Variants in LTN1 observed in about 807,000 individuals in gnomAD.
The protein encoded by LTN1 is listerin E3 ubiquitin protein ligase 1, also known as E3 ubiquitin-protein ligase listerin.
LTN1 carries 88 observed loss-of-function variants against 201.2 expected under a neutral mutation model. The ratio of observed to expected loss-of-function variants is 0.44; its 90% CI spans 0.37 to 0.52. The LOEUF (loss-of-function observed/expected upper bound fraction) is 0.52, where lower values mean the gene tolerates loss of function less well. Ranked by LOEUF, LTN1 falls within the 20% of genes least tolerant of loss-of-function variation. The pLI is 0.00. For missense variants in LTN1, 1,752 were observed against 2,038.7 expected, an observed-to-expected ratio of 0.86 and a Z score of 2.71; for synonymous variants, 645 against 713.5, an observed-to-expected ratio of 0.90 and a Z score of 1.53.
At chr21:28,934,612 G>A (rs533395157) in intron 27 of LTN1, among the ~76,000 whole-genome samples, 9 of 152,166 alleles carry the variant, frequency 5.9e-5, no homozygotes, top group East Asian at 1.9e-4. Context: ...CCGCCACCAC[G>A]CATGGCTAAT....
Position 28,970,673 on chromosome 21 carries a change from C to G in LTN1, c.1054G>C (p.Gly352Arg). 1 of 1,613,996 alleles carries G rather than the reference C, an allele frequency of 6.2e-7. No homozygotes were observed. Among genetic ancestry groups the G allele is most frequent in the Non-Finnish European group, 8.5e-7 (1 of 1,179,946 alleles). ...PKLSTVIREG[G>R]RGLATVIYPY... is the part of the protein sequence containing the mutation. ...TATATGACAGTAGCTAGACCCCGAC[C>G]ACCTTCACGAATCACAGTTGATAGC... Residue 352 changes from glycine to arginine, a missense_variant, in exon 8 of 30, where the codon GGT becomes CGT. This residue lies in a region of LTN1 where 1,211 missense variants were observed against 1,312.8 expected (regional missense o/e 0.92). Transcript: ENST00000361371.
Position 28,981,148 on chromosome 21 carries a change from A to G in LTN1, c.781T>C (p.Trp261Arg). 6.3e-7 allele frequency: 1 copy of G among 1,578,390 alleles called. No individual in the cohort carries two copies. Among genetic ancestry groups the G allele is most frequent in the Non-Finnish European group, 8.6e-7 (1 of 1,169,258 alleles). The part of the protein sequence containing the change: ...FKSLLSQNKF[W>R]KYGKHSVPQI... ...GGTACACTGTGTTTTCCATACTTCC[A>G]AAACTTATTCTGTGATAAAAGAGAC... The change falls in exon 6 of 30, where the codon TGG becomes CGG. Residue 261 changes from tryptophan (W) to arginine (R), a missense_variant. Trp to Arg is a moderately radical substitution (Grantham distance 101). Coordinates refer to ENST00000361371, the MANE Select transcript of LTN1 (RefSeq NM_015565.3).
At chr21:28,960,318 C>T (rs1226445446) in intron 12 of LTN1, among the ~76,000 whole-genome samples, 199 bp downstream of exon 12, 1 of 150,128 alleles carries the variant, frequency 6.7e-6, no homozygotes, top group Non-Finnish European at 1.5e-5. Flanking sequence ...GATCACACCA[C>T]TGCACTCCAG....
rs1243949893 is a variant in LTN1, at chr21:28,935,016, G to T, written c.4875+93C>A. 8.2e-6 allele frequency: 7 copies of T among 848,718 alleles called. No homozygotes were observed. In the Admixed American group the frequency reaches 1.5e-4, roughly 19 times the overall value. The allele number at this position is 848,718 out of a possible 1,614,324, so 52.6% of individuals were successfully genotyped here. A position where few individuals can be genotyped will look rare whatever the true frequency, so the allele number is the denominator to read the frequency against. On this transcript the variant is annotated intron_variant, in intron 27 of 29. Coordinates refer to ENST00000361371, the MANE Select transcript of LTN1 (RefSeq NM_015565.3). ...CTGGCCACCAGTTTCTATAAATTCTGAGTTAAGAGCTACAGTCTGTTATGA... is the reference window on the plus strand; with the variant it reads ...CTGGCCACCAGTTTCTATAAATTCTTAGTTAAGAGCTACAGTCTGTTATGA...
chr21:28,985,363 A>T (rs945161934), intron 3 of LTN1, among the ~76,000 whole-genome samples: 3 of 152,050 alleles, frequency 2.0e-5, no homozygotes, highest in Admixed American at 1.3e-4. Flanking sequence ...CAGGAGGCTA[A>T]GGCAGGAGAA....
Position 28,952,240 on chromosome 21 carries a change from C to A in LTN1, c.3264G>T (p.Trp1088Cys). ...GGATCAACTTAGCAATAATAAGAGA[C>A]CACAGTGTGCCATGTTCTCTGGACC... ...FNRSREHGTL[W>C]SLIIAKLILS... The change falls in exon 18 of 30, where the codon TGG (tryptophan) becomes TGT (cysteine). Residue 1088 changes from tryptophan to cysteine, a missense_variant. Trp to Cys is a radical substitution (Grantham distance 215). Transcript: ENST00000361371. 1 of 1,605,968 alleles carries A rather than the reference C, an allele frequency of 6.2e-7. No individual in the cohort carries two copies. The highest frequency in any genetic ancestry group is 2.2e-5 in the East Asian group (1 of 44,778).
At chr21:28,989,998 C>A (rs2084732741) in intron 1 of LTN1, among the ~76,000 whole-genome samples, 1 of 151,956 alleles carries the variant, frequency 6.6e-6, no homozygotes, top group East Asian at 1.9e-4. Context: ...AAAAAGTTAT[C>A]TATGTGATGG....
In LTN1 at chr21:28,986,149, T is replaced by C. The variant is rs1301938603; in HGVS notation, c.335A>G (p.Lys112Arg). ...AGTTTTAATACTTACAAGTGAAATTTTGCAAAAAATTCTTGGCCAATATGG... is the reference window on the plus strand; with the variant it reads ...AGTTTTAATACTTACAAGTGAAATTCTGCAAAAAATTCTTGGCCAATATGG... ...VLPYWPRIFC[K>R]ISLDHDRRVR... Residue 112 changes from lysine (K) to arginine (R), a missense_variant, in exon 3 of 30, where the codon AAA becomes AGA. By Grantham distance (26) the Lys-to-Arg change is conservative (BLOSUM62 2). Transcript: ENST00000361371. The surrounding 1 kb of genome is among the most constrained non-coding windows in gnomAD (Gnocchi z 4.1). The C allele has an allele frequency of 4.4e-6, 7 of 1,606,016 alleles. No individual in the cohort carries two copies. Among genetic ancestry groups the C allele is most frequent in the Admixed American group, 3.3e-5 (2 of 59,940 alleles).
At chr21:28,938,951 T>C (rs2084276928) in intron 25 of LTN1, among the ~76,000 whole-genome samples, 1 of 152,156 alleles carries the variant, frequency 6.6e-6, no homozygotes, top group African/African-American at 2.4e-5. Context: ...CAATGGGATG[T>C]TGAAAAGGTT....
chr21:28,952,401 C>T (rs1415582096), intron 17 of LTN1, 137 bp from the exon 18 acceptor site: 4 of 519,058 alleles, frequency 7.7e-6, no homozygotes, highest in Non-Finnish European at 6.9e-6. Context: ...TAAGACTTTG[C>T]ACCCAAGCAA....
chr21:28,936,552 G>A lies in LTN1; in HGVS notation c.4628C>T (p.Thr1543Ile). The change falls in exon 26 of 30, where the codon ACT becomes ATT. Residue 1543 changes from threonine to isoleucine, a missense_variant. Around this residue, in one of 3 missense-constraint regions of LTN1, gnomAD observed 261 missense variants for 350.1 expected, o/e 0.75. Transcript: ENST00000361371. ...TCTAATACTCAGCTGGAGCTCCTCAGTAAAGAATGTTTTAGGGTCCTTATT... is the reference window on the plus strand; with the variant it reads ...TCTAATACTCAGCTGGAGCTCCTCAATAAAGAATGTTTTAGGGTCCTTATT... ...VPNKDPKTFFTEELQLSIRET... is the reference protein window; with the variant it reads ...VPNKDPKTFFIEELQLSIRET... 1 of 1,613,540 alleles carries A rather than the reference G, an allele frequency of 6.2e-7. No individual in the cohort carries two copies. The highest frequency in any genetic ancestry group is 8.5e-7 in the Non-Finnish European group (1 of 1,179,756).
chr21:28,989,729 A>AG (rs1455740209), intron 1 of LTN1, among the ~76,000 whole-genome samples: 1 of 152,138 alleles, frequency 6.6e-6, no homozygotes, highest in Non-Finnish European at 1.5e-5. Context: ...TCTCTGAGGC[A>AG]GGGCATGGTG....
intron 17 of LTN1, among the ~76,000 whole-genome samples, chr21:28,952,520 T>A (rs768519577): frequency 7.2e-5 from 11 of 152,116 alleles, no homozygotes; most frequent in Admixed American, 1.3e-4. Context: ...TCAGTCCCAA[T>A]AGGGGAGATG....
At position 28,986,125 on chromosome 21, in the gene LTN1, G is replaced by A; in HGVS notation, c.345+14C>T. 6.9e-7 allele frequency: 1 copy of A among 1,451,512 alleles called. No homozygotes were observed. Among genetic ancestry groups the A allele is most frequent in the Non-Finnish European group, 9.7e-7 (1 of 1,032,872 alleles). 89.9% of individuals were successfully genotyped at this position (1,451,512 alleles called of 1,614,324 possible). ...TATACAACAGAAATAAACTAGCAAA[G>A]TTTTAATACTTACAAGTGAAATTTT... is the stretch of plus-strand genomic sequence containing the variant. On this transcript the variant is annotated intron_variant, in intron 3 of 29. Transcript: ENST00000361371. The surrounding 1 kb of genome is among the most constrained non-coding windows in gnomAD (Gnocchi z 4.1).
chr21:28,931,180 T>C lies in LTN1; in HGVS notation c.5213A>G (p.Lys1738Arg), dbSNP rs756845711. The C allele has an allele frequency of 5.0e-6, 8 of 1,611,500 alleles. No individual in the cohort carries two copies. Among genetic ancestry groups the C allele is most frequent in the Non-Finnish European group, 6.8e-6 (8 of 1,179,328 alleles). Residue 1738 changes from lysine to arginine, a missense_variant, in exon 29 of 30, where the codon AAG becomes AGG. Physicochemically the swap from Lys to Arg is conservative, Grantham distance 26. Transcript: ENST00000361371. ...CAAGCAGGCTGAATGGAATTTTTTC[T>C]TGCATGTTCTACAGGCTTTTTTGGG... Reference protein sequence around the residue: ...SLPKKACRTCKKKFHSACLYK... With the variant: ...SLPKKACRTCRKKFHSACLYK...
At chr21:28,940,182 C>A (rs1435889205) in intron 25 of LTN1, among the ~76,000 whole-genome samples, 2 of 152,184 alleles carry the variant, frequency 1.3e-5, no homozygotes, top group African/African-American at 4.8e-5. Flanking sequence ...AGATTTGGAT[C>A]TTCCTTGTTC....
Position 28,932,536 on chromosome 21 carries a change from T to A in LTN1, c.5004A>T (p.Arg1668Ser), listed in dbSNP as rs760584676. ...LGSIIVESGK[R>S]VGVAVQQWRN... is the part of the protein sequence containing the mutation. ...GCCACTGCTGAACAGCTACTCCTAC[T>A]CTTTTCCCACTTTCTACTATTATTG... is the stretch of plus-strand genomic sequence containing the variant. Residue 1668 changes from arginine to serine, a missense_variant, in exon 28 of 30, where the codon AGA (arginine) becomes AGT (serine). Coordinates refer to ENST00000361371, the MANE Select transcript of LTN1 (RefSeq NM_015565.3). The A allele has an allele frequency of 6.2e-7, 1 of 1,614,128 alleles. No homozygotes were observed. Among genetic ancestry groups the A allele is most frequent in the Middle Eastern group, 1.6e-4 (1 of 6,062 alleles).
chr21:28,943,190 G>A (rs1234418927), intron 24 of LTN1, 72 bp downstream of exon 24: 1 of 838,314 alleles, frequency 1.2e-6, no homozygotes, highest in African/African-American at 1.7e-5. Flanking sequence ...TGCTGCTTCA[G>A]TCCTCTAAAG....
chr21:28,961,011 T>C (rs1389905790), intron 11 of LTN1, among the ~76,000 whole-genome samples: 1 of 150,714 alleles, frequency 6.6e-6, no homozygotes, highest in African/African-American at 2.4e-5. Flanking sequence ...ACCTACTTTA[T>C]GGAGTCTCCC....
Sources: gnomAD v4.1 joint callset for allele counts (sites outside exome capture counted in the v4.1 genomes callset) on GRCh38, gnomAD v4.1.1 for gene constraint, gnomAD v4.1.1 regional missense constraint, Gnocchi (gnomAD v3.1) non-coding constraint, MANE v1.5 for transcripts, NCBI Gene and HGNC (gene_info 2026-07-23, HGNC 2026-07-21) for gene names.